Variants in STAB1 observed in about 807,000 individuals in gnomAD.
STAB1 encodes the protein stabilin-1.
In STAB1, 250 loss-of-function variants were observed where a neutral mutation model predicts 332.4. The observed-to-expected ratio is 0.75, with a 90% CI of 0.68 to 0.84. The LOEUF (loss-of-function observed/expected upper bound fraction) is 0.84. STAB1 is among the 40% of genes least tolerant of loss of function. The pLI is 0.00. For missense variants in STAB1, 3,249 were observed against 3,489.7 expected (o/e 0.93, Z 1.74); for synonymous variants, 1,475 against 1,390.4 (o/e 1.06, Z -1.35).
chr3:52,495,456 T>G lies in STAB1; in HGVS notation c.43T>G (p.Phe15Val). Residue 15 changes from phenylalanine (F) to valine (V), a missense_variant, in exon 1 of 69, where the codon TTC becomes GTC. Transcript: ENST00000321725. ...RGLLPLCLLA[F>V]CLAGFSFVRG... ...CCTCCTCCCACTCTGCCTCCTGGCC[T>G]TCTGCCTGGCAGGCTTCAGCTTCGT... 7.4e-7 allele frequency: 1 copy of G among 1,342,404 alleles called. No individual in the cohort carries two copies. The highest frequency in any genetic ancestry group is 2.5e-5 in the South Asian group (1 of 40,604). 83.2% of individuals were successfully genotyped at this position (1,342,404 alleles called of 1,614,324 possible). A position where few individuals can be genotyped will look rare whatever the true frequency, so the allele number is the denominator to read the frequency against.
chr3:52,508,566 A>G (rs1461961778), intron 21 of STAB1: 2 of 596,160 alleles, frequency 3.4e-6, no homozygotes, highest in South Asian at 3.2e-5. Context: ...TCATGCCTGT[A>G]ATCCCAGCAC....
chr3:52,522,462 C>G lies in STAB1; in HGVS notation c.6598C>G (p.Leu2200Val), dbSNP rs1205686982. The G allele has an allele frequency of 6.2e-7, 1 of 1,613,090 alleles. No individual in the cohort carries two copies. The highest frequency in any genetic ancestry group is 2.2e-5 in the East Asian group (1 of 44,890). The change falls in exon 60 of 69, where the codon CTG (leucine) becomes GTG (valine). Residue 2200 changes from leucine (L) to valine (V), a missense_variant. Leu to Val is a conservative substitution (Grantham distance 32). Transcript: ENST00000321725. Reference protein sequence around the residue: ...PCHSDAMCTDLHFQEKRAGVF... With the variant: ...PCHSDAMCTDVHFQEKRAGVF... ...CCACTCAGATGCCATGTGCACTGAC[C>G]TGCACTTCCAGGGTGTGTCCCCCTG...
At position 52,516,347 on chromosome 3, in the gene STAB1, C is replaced by T; in HGVS notation, c.4145-9C>T. ...TGGGCAACTCCTATCCTCCTTTATA[C>T]CACTGCAGTGTGTGACTGTGCCCAT... On this transcript the variant is annotated splice_polypyrimidine_tract_variant and intron_variant, in intron 38 of 68. Transcript: ENST00000321725. 1.2e-6 allele frequency: 2 copies of T among 1,606,702 alleles called. No individual in the cohort carries two copies. Among genetic ancestry groups the T allele is most frequent in the Non-Finnish European group, 1.7e-6 (2 of 1,175,106 alleles).
Position 52,502,995 on chromosome 3 carries a change from G to T in STAB1, c.584-4G>T. The stretch of plus-strand genomic sequence containing the variant: ...CTCATCAGTGCTCTCTCCACTCTGC[G>T]CAGAGCTGCCCGTCTGCCAGGAGCT... On this transcript the variant is annotated splice_region_variant and splice_polypyrimidine_tract_variant and intron_variant, in intron 6 of 68. Coordinates refer to ENST00000321725, the MANE Select transcript of STAB1 (RefSeq NM_015136.3). 1.3e-6 allele frequency: 2 copies of T among 1,566,906 alleles called. No individual in the cohort carries two copies. The highest frequency in any genetic ancestry group is 8.6e-7 in the Non-Finnish European group (1 of 1,157,056).
intron 13 of STAB1, 60 bp from the exon 14 acceptor site, chr3:52,505,259 C>G: frequency 2.5e-6 from 4 of 1,608,554 alleles, no homozygotes; most frequent in Non-Finnish European, 3.4e-6. Context: ...AGCTTCTCCC[C>G]GCTGGGCTGA....
At chr3:52,505,245 G>A (rs1467567108) in intron 13 of STAB1, 74 bp from the exon 14 acceptor site, 4 of 1,607,552 alleles carry the variant, frequency 2.5e-6, no homozygotes, top group Non-Finnish European at 3.4e-6. Flanking sequence ...CAGGGCTGGA[G>A]CGCAGCTTCT....
In STAB1 at chr3:52,504,012, C is replaced by G. The variant is rs41292368; in HGVS notation, c.1023-16C>G. 27 of 1,607,794 alleles carry G rather than the reference C, an allele frequency of 1.7e-5. No individual in the cohort carries two copies. The East Asian group carries it at 4.5e-4, about 27-fold the overall frequency. ...GCCTCAGCCTCCGCCCTGACTGGCT[C>G]TCCCTGGGAGCCCAGCTGTGTGTGC... On this transcript the variant is annotated splice_polypyrimidine_tract_variant and intron_variant, in intron 9 of 68. Transcript: ENST00000321725.
At position 52,510,626 on chromosome 3, in the gene STAB1, G is replaced by C. The variant is rs963000140; in HGVS notation, c.2787+119G>C. 10 of 1,319,266 alleles carry C rather than the reference G, an allele frequency of 7.6e-6. No homozygotes were observed. In the African/African-American group the frequency reaches 1.3e-4, roughly 18 times the overall value. 81.7% of individuals were successfully genotyped at this position (1,319,266 alleles called of 1,614,324 possible). ...GGTCTGGAGCCTCAGGTGCAGATGA[G>C]AACCCAGTGCTGACATGCTGAGTAG... On this transcript the variant is annotated intron_variant, in intron 25 of 68. Transcript: ENST00000321725.
Position 52,509,983 on chromosome 3 carries a change from G to A in STAB1, c.2461G>A (p.Asp821Asn). The change falls in exon 23 of 69, where the codon GAC (aspartate) becomes AAC (asparagine). Residue 821 changes from aspartate (D) to asparagine (N), a missense_variant. Coordinates refer to ENST00000321725, the MANE Select transcript of STAB1 (RefSeq NM_015136.3). ...CCGGTTCTGCAACGAGTCCATGGGG[G>A]ACTGTGGGCCCACAGGGCTGGCCCA... Reference protein sequence around the residue: ...SGRFCNESMGDCGPTGLAQHC... With the variant: ...SGRFCNESMGNCGPTGLAQHC... The A allele has an allele frequency of 6.2e-7, 1 of 1,610,558 alleles. No homozygotes were observed. Among genetic ancestry groups the A allele is most frequent in the Non-Finnish European group, 8.5e-7 (1 of 1,178,292 alleles).
At chr3:52,501,131 C>G in intron 1 of STAB1, 35 bp from the exon 2 acceptor site, 1 of 1,604,822 alleles carries the variant, frequency 6.2e-7, no homozygotes. Flanking sequence ...GGCGTGGGGT[C>G]CAGGCCCCTG....
intron 25 of STAB1, 83 bp downstream of exon 25, chr3:52,510,590 C>A: frequency 6.6e-7 from 1 of 1,508,394 alleles, no homozygotes; most frequent in South Asian, 1.3e-5. Context: ...AATGCAGAGT[C>A]AGGTGCTCAG....
rs780678309 is a variant in STAB1, at chr3:52,504,078, A to C, written c.1073A>C (p.His358Pro). The C allele has an allele frequency of 2.8e-5, 45 of 1,586,540 alleles. No individual in the cohort carries two copies. The highest frequency in any genetic ancestry group is 3.6e-5 in the Non-Finnish European group (42 of 1,166,468). ...GGGGATGGGCGTGCCTGCTACGGAC[A>C]CCTGCTCCACGAGGTGCAGAAGGCC... ...EVGDGRACYG[H>P]LLHEVQKATQ... The change falls in exon 10 of 69, where the codon CAC (histidine) becomes CCC (proline). Residue 358 changes from histidine to proline, a missense_variant. By Grantham distance (77) the His-to-Pro change is moderately conservative. Coordinates refer to ENST00000321725, the MANE Select transcript of STAB1 (RefSeq NM_015136.3).
intron 17 of STAB1, 136 bp from the exon 18 acceptor site, chr3:52,506,556 G>A: frequency 1.0e-6 from 1 of 987,134 alleles, no homozygotes; most frequent in East Asian, 2.6e-5. Context: ...AGAGGTGGCT[G>A]GTATGGCCAG....
intron 47 of STAB1, 21 bp from the exon 48 acceptor site, chr3:52,518,702 C>T: frequency 6.2e-7 from 1 of 1,612,050 alleles, no homozygotes; most frequent in Non-Finnish European, 8.5e-7. Context: ...GGACCCCACT[C>T]CCCTCGCGAC....
chr3:52,519,339 A>G lies in STAB1; in HGVS notation c.5110A>G (p.Ile1704Val), dbSNP rs770629379. ...GGCCGTGAACGGCATCCTGCACTTC[A>G]TTGACCGTGTCCTGCTGCCCCCCGA... ...HEAVNGILHF[I>V]DRVLLPPEAL... The change falls in exon 49 of 69, where the codon ATT (isoleucine) becomes GTT (valine). Residue 1704 changes from isoleucine (I) to valine (V), a missense_variant. Coordinates refer to ENST00000321725, the MANE Select transcript of STAB1 (RefSeq NM_015136.3). 1.2e-6 allele frequency: 2 copies of G among 1,613,078 alleles called. No homozygotes were observed. Among genetic ancestry groups the G allele is most frequent in the African/African-American group, 2.7e-5 (2 of 75,038 alleles).
At chr3:52,518,172 A>T (rs965775311) in intron 45 of STAB1, 140 bp from the exon 46 acceptor site, 1 of 1,497,930 alleles carries the variant, frequency 6.7e-7, no homozygotes, top group Non-Finnish European at 9.0e-7. Context: ...CCATGAAACT[A>T]GCCCTGACCC....
chr3:52,519,025 C>G (rs909204668), intron 48 of STAB1, among the ~76,000 whole-genome samples, 156 bp downstream of exon 48: 6 of 151,960 alleles, frequency 3.9e-5, no homozygotes, highest in African/African-American at 1.5e-4. Flanking sequence ...CGCCCTTGAC[C>G]TGGGCCTCGC....
Position 52,509,985 on chromosome 3 carries a change from C to A in STAB1, c.2463C>A (p.Asp821Glu), listed in dbSNP as rs780339694. 1.2e-6 allele frequency: 2 copies of A among 1,610,290 alleles called. No homozygotes were observed. Among genetic ancestry groups the A allele is most frequent in the Non-Finnish European group, 1.7e-6 (2 of 1,178,140 alleles). The change falls in exon 23 of 69, where the codon GAC (aspartate) becomes GAA (glutamate). Residue 821 changes from aspartate to glutamate, a missense_variant. By Grantham distance (45) the Asp-to-Glu change is conservative. Coordinates refer to ENST00000321725, the MANE Select transcript of STAB1 (RefSeq NM_015136.3). Reference sequence around the variant, plus strand: ...GGTTCTGCAACGAGTCCATGGGGGACTGTGGGCCCACAGGGCTGGCCCAGC... The same window carrying A: ...GGTTCTGCAACGAGTCCATGGGGGAATGTGGGCCCACAGGGCTGGCCCAGC... ...SGRFCNESMG[D>E]CGPTGLAQHC...
Position 52,520,709 on chromosome 3 carries a change from AG to A in STAB1, c.5706+15del, listed in dbSNP as rs774535025. 1.7e-3 allele frequency: 805 copies of A among 487,350 alleles called. 1 individual carries two copies. Among genetic ancestry groups the A allele is most frequent in the Middle Eastern group, 4.1e-3 (12 of 2,954 alleles). 30.2% of individuals were successfully genotyped at this position (487,350 alleles called of 1,614,324 possible). A position where few individuals can be genotyped will look rare whatever the true frequency, so the allele number is the denominator to read the frequency against. ...GGGTCACAGGAGCAGGTACAGGGCTAGGGGCTGAGTGGGGGTGGTGGGGTGG... is the reference window on the plus strand; with the variant it reads ...GGGTCACAGGAGCAGGTACAGGGCTAGGGCTGAGTGGGGGTGGTGGGGTGG... On this transcript the variant is annotated intron_variant, in intron 54 of 68. Coordinates refer to ENST00000321725, the MANE Select transcript of STAB1 (RefSeq NM_015136.3).
Sources: allele counts gnomAD v4.1 joint callset (sites outside exome capture counted in the v4.1 genomes callset), GRCh38; gene constraint gnomAD v4.1.1; transcripts MANE v1.5; gene names NCBI Gene and HGNC (gene_info 2026-07-23, HGNC 2026-07-21).